Variants in SYNDIG1 observed in about 807,000 individuals in gnomAD.
The protein encoded by SYNDIG1 is synapse differentiation inducing 1.
In SYNDIG1, 9 loss-of-function variants were observed where a neutral mutation model predicts 19.4. That is an observed-to-expected ratio of 0.46 (90% CI 0.28 to 0.81). The LOEUF (loss-of-function observed/expected upper bound fraction) is 0.81, where lower values mean the gene tolerates loss of function less well. SYNDIG1 is among the 30% of genes least tolerant of loss of function. The pLI, the probability that SYNDIG1 is intolerant of heterozygous loss-of-function variation, is 0.12. For missense variants in SYNDIG1, 311 were observed against 343.3 expected (o/e 0.91, Z 0.74); for synonymous variants, 141 against 145.9 (o/e 0.97, Z 0.24).
At chr20:24,633,265 G>A (rs1449992441) in intron 3 of SYNDIG1, among the ~76,000 whole-genome samples, 3 of 152,168 alleles carry the variant, frequency 2.0e-5, no homozygotes, top group Admixed American at 6.5e-5. Context: ...ACAGACGTAG[G>A]ATCTGAGCCC....
chr20:24,546,717 G>A (rs1003796981), intron 2 of SYNDIG1, among the ~76,000 whole-genome samples: 44 of 152,126 alleles, frequency 2.9e-4, no homozygotes, highest in African/African-American at 1.0e-3. Context: ...TCACAATATA[G>A]GGAAGTGATA....
chr20:24,551,830 A>G (rs1360702910), intron 2 of SYNDIG1, among the ~76,000 whole-genome samples: 1 of 152,198 alleles, frequency 6.6e-6, no homozygotes, highest in Non-Finnish European at 1.5e-5. Context: ...AAATCTCATT[A>G]AGGTTGAAGG....
In SYNDIG1 at chr20:24,646,586, C is replaced by T. The variant is rs1030052688; in HGVS notation, c.619-18760C>T. Among the ~76,000 whole-genome samples, 4 of 152,056 alleles carry T rather than the reference C, an allele frequency of 2.6e-5. No individual in the cohort carries two copies. In the South Asian group the frequency reaches 6.2e-4, roughly 24 times the overall value. ...TCTCCTTCTACTTTTTGCAGTGAGT[C>T]GAAGCAGCCCGAGGTCCTCACCATA... On this transcript the variant is annotated intron_variant, in intron 3 of 3. Transcript: ENST00000376862.
chr20:24,507,023 G>A (rs1460276287), intron 1 of SYNDIG1, among the ~76,000 whole-genome samples: 5 of 152,246 alleles, frequency 3.3e-5, no homozygotes, highest in African/African-American at 1.2e-4. Context: ...TGATTTGGGT[G>A]CATGTAGCTT....
intron 3 of SYNDIG1, among the ~76,000 whole-genome samples, chr20:24,655,283 C>T (rs1420602164): frequency 6.6e-6 from 1 of 152,040 alleles, no homozygotes. Flanking sequence ...GCAACTGAAG[C>T]CAGAAGAAAA....
intron 3 of SYNDIG1, among the ~76,000 whole-genome samples, chr20:24,637,829 C>G (rs947645429): frequency 6.6e-6 from 1 of 152,170 alleles, no homozygotes; most frequent in African/African-American, 2.4e-5. Context: ...CACCCTGGCT[C>G]CCTTCGAGTC....
At chr20:24,591,229 AT>A (rs200864470) in intron 3 of SYNDIG1, among the ~76,000 whole-genome samples, 1,693 of 150,762 alleles carry the variant, frequency 0.011, 39 homozygotes, top group African/African-American at 0.038. Context: ...GTATACAAAA[AT>A]TTTAAAAAAA....
intron 1 of SYNDIG1, among the ~76,000 whole-genome samples, chr20:24,475,941 A>G (rs1423280262): frequency 6.6e-6 from 1 of 151,352 alleles, no homozygotes; most frequent in East Asian, 1.9e-4. Context: ...GCTTACTGCA[A>G]CCTCCGCCTC....
intron 2 of SYNDIG1, among the ~76,000 whole-genome samples, chr20:24,580,034 G>A (rs538611447): frequency 1.2e-4 from 18 of 152,284 alleles, no homozygotes; most frequent in East Asian, 1.9e-4. Context: ...TAGAATGGGC[G>A]GCCCTGGAGG....
intron 1 of SYNDIG1, 143 bp from the exon 2 acceptor site, chr20:24,542,877 G>T: frequency 1.5e-6 from 1 of 651,766 alleles, no homozygotes; most frequent in South Asian, 2.1e-5. Flanking sequence ...TCACTGAATA[G>T]GTAGGACTGC....
At chr20:24,648,435 G>T (rs11696125) in intron 3 of SYNDIG1, among the ~76,000 whole-genome samples, 29,691 of 152,250 alleles carry the variant, frequency 0.2, 3,558 homozygotes, top group East Asian at 0.46. Flanking sequence ...CTTGACTATA[G>T]AGTAAGTTCT....
intron 3 of SYNDIG1, among the ~76,000 whole-genome samples, chr20:24,659,418 C>T (rs527642211): frequency 6.6e-6 from 1 of 152,330 alleles, no homozygotes; most frequent in African/African-American, 2.4e-5. Flanking sequence ...CTCCCTGGGC[C>T]CTGTCTGGGC....
intron 3 of SYNDIG1, among the ~76,000 whole-genome samples, chr20:24,640,345 C>T (rs571589205): frequency 1.5e-5 from 2 of 135,930 alleles, no homozygotes; most frequent in East Asian, 2.1e-4. Flanking sequence ...AAGAGAGAGA[C>T]ATTGAGAGCG....
chr20:24,518,221 G>A (rs1198228074), intron 1 of SYNDIG1, among the ~76,000 whole-genome samples: 1 of 152,086 alleles, frequency 6.6e-6, no homozygotes, highest in African/African-American at 2.4e-5. Context: ...TCTTCAGTAG[G>A]AGGAGAAGGT....
At chr20:24,570,125 G>A (rs933405063) in intron 2 of SYNDIG1, among the ~76,000 whole-genome samples, 24 of 152,270 alleles carry the variant, frequency 1.6e-4, no homozygotes, top group African/African-American at 5.8e-4. Flanking sequence ...TTGATTTACT[G>A]AACAAATGTG....
At chr20:24,602,584 C>G (rs528320578) in intron 3 of SYNDIG1, among the ~76,000 whole-genome samples, 1 of 152,332 alleles carries the variant, frequency 6.6e-6, no homozygotes, top group South Asian at 2.1e-4. Context: ...TCTCAGACAC[C>G]TCTTATGGTC....
At chr20:24,557,687 C>T (rs896899661) in intron 2 of SYNDIG1, among the ~76,000 whole-genome samples, 3 of 152,086 alleles carry the variant, frequency 2.0e-5, no homozygotes, top group East Asian at 1.9e-4. Flanking sequence ...GAGGAGTACC[C>T]GGCCATGTGA....
At chr20:24,644,491 G>C (rs1334264135) in intron 3 of SYNDIG1, among the ~76,000 whole-genome samples, 3 of 152,222 alleles carry the variant, frequency 2.0e-5, no homozygotes, top group African/African-American at 7.2e-5. Flanking sequence ...AGAGGGCTCT[G>C]TGTGACCTCA....
intron 3 of SYNDIG1, among the ~76,000 whole-genome samples, chr20:24,593,062 A>G (rs1358023024): frequency 1.3e-5 from 2 of 152,158 alleles, no homozygotes; most frequent in Non-Finnish European, 2.9e-5. Context: ...GGAAAAACTC[A>G]GTTTGTCTTT....
Sources: gnomAD v4.1 joint callset for allele counts (sites outside exome capture counted in the v4.1 genomes callset) on GRCh38, gnomAD v4.1.1 for gene constraint, MANE v1.5 for transcripts, NCBI Gene and HGNC (gene_info 2026-07-23, HGNC 2026-07-21) for gene names.